DLG2: variants seen among roughly 807,000 people sequenced by gnomAD.
DLG2 encodes the protein disks large homolog 2.
In DLG2, 45 loss-of-function variants were observed where a neutral mutation model predicts 132.5. The ratio of observed to expected loss-of-function variants is 0.34; its 90% CI spans 0.27 to 0.44. DLG2 has a LOEUF of 0.44. Ranked by LOEUF, DLG2 falls within the 20% of genes least tolerant of loss-of-function variation. The pLI is 1.00. For missense variants in DLG2, 1,045 were observed against 1,196.9 expected (o/e 0.87, Z 1.87); for synonymous variants, 424 against 419.6 (o/e 1.01, Z -0.13).
intron 7 of DLG2, among the ~76,000 whole-genome samples, chr11:84,301,159 T>C (rs1328493514): frequency 2.6e-5 from 4 of 152,300 alleles, no homozygotes; most frequent in African/African-American, 7.2e-5. Flanking sequence ...TACTTCACTA[T>C]TGTTTATATT....
rs147519066 is a variant in DLG2, at chr11:85,216,037, A to T, written c.187-61386T>A. Among the ~76,000 whole-genome samples the T allele has an allele frequency of 5.6e-4, 85 of 150,598 alleles. No individual in the cohort carries two copies. In the East Asian group the frequency reaches 0.014, roughly 25 times the overall value. On this transcript the variant is annotated intron_variant, in intron 4 of 27. Transcript: ENST00000376104. ...TTAAAAAAAAAAAAAGGAAGCACAG[A>T]CTGGCACAATGATGTGCATTTGTAG...
At chr11:83,782,049 T>C (rs539838046) in intron 18 of DLG2, among the ~76,000 whole-genome samples, 1 of 152,316 alleles carries the variant, frequency 6.6e-6, no homozygotes, top group Admixed American at 6.5e-5. Flanking sequence ...AAACAACAGC[T>C]GTAGATTTTC....
intron 7 of DLG2, among the ~76,000 whole-genome samples, chr11:84,252,851 T>C (rs866440449): frequency 6.6e-6 from 1 of 152,226 alleles, no homozygotes; most frequent in Non-Finnish European, 1.5e-5. Flanking sequence ...CTATACGACA[T>C]GGTGGTTTTG....
At chr11:84,755,985 C>T (rs1165633160) in intron 6 of DLG2, among the ~76,000 whole-genome samples, 1 of 151,964 alleles carries the variant, frequency 6.6e-6, no homozygotes, top group East Asian at 1.9e-4. Flanking sequence ...CGTACTTCAT[C>T]AGTATATAAA....
At chr11:84,973,241 G>C (rs551022170) in intron 6 of DLG2, among the ~76,000 whole-genome samples, 26 of 152,244 alleles carry the variant, frequency 1.7e-4, no homozygotes, top group African/African-American at 5.5e-4. Context: ...TTACAGGTGT[G>C]AGCCACCACG....
At chr11:85,059,691 A>G (rs1459804307) in intron 6 of DLG2, among the ~76,000 whole-genome samples, 1 of 151,814 alleles carries the variant, frequency 6.6e-6, no homozygotes, top group African/African-American at 2.4e-5. Context: ...TTCTAGGCAT[A>G]TAAGTTTCAC....
At chr11:85,157,368 G>A (rs72961562) in intron 4 of DLG2, among the ~76,000 whole-genome samples, 7,915 of 152,066 alleles carry the variant, frequency 0.052, 299 homozygotes, top group African/African-American at 0.096. Flanking sequence ...AACATGATTC[G>A]ACCCAAAAAT....
chr11:83,753,729 A>T (rs1479479865), intron 18 of DLG2, among the ~76,000 whole-genome samples: 1 of 140,408 alleles, frequency 7.1e-6, no homozygotes, highest in Non-Finnish European at 1.5e-5. Context: ...TAGACACTAT[A>T]TATATGATAT....
intron 9 of DLG2, among the ~76,000 whole-genome samples, chr11:84,154,658 C>A (rs1343659555): frequency 6.6e-6 from 1 of 152,122 alleles, no homozygotes; most frequent in Non-Finnish European, 1.5e-5. Flanking sequence ...CTTCCCCCAC[C>A]CCACGACAGG....
intron 4 of DLG2, among the ~76,000 whole-genome samples, chr11:85,179,496 A>G (rs1405930975): frequency 6.6e-6 from 1 of 151,894 alleles, no homozygotes; most frequent in Non-Finnish European, 1.5e-5. Context: ...TATTTGAGAA[A>G]GATAAATATA....
chr11:83,639,866 G>A (rs1402910675), intron 18 of DLG2, among the ~76,000 whole-genome samples: 1 of 151,966 alleles, frequency 6.6e-6, no homozygotes, highest in Non-Finnish European at 1.5e-5. Context: ...TGGGGCCTTG[G>A]GAAGTTACTG....
intron 6 of DLG2, among the ~76,000 whole-genome samples, chr11:84,692,367 AT>A (rs1241046930): frequency 6.6e-6 from 1 of 151,754 alleles, no homozygotes; most frequent in African/African-American, 2.4e-5. Context: ...TTCTGGCAAC[AT>A]GTATCTGTCC....
chr11:85,010,922 T>C (rs1418271324), intron 6 of DLG2, among the ~76,000 whole-genome samples: 1 of 152,172 alleles, frequency 6.6e-6, no homozygotes, highest in Non-Finnish European at 1.5e-5. Context: ...AATTTTAGAA[T>C]TAGAAAACTT....
At chr11:85,269,266 T>C (rs1240952162) in intron 4 of DLG2, among the ~76,000 whole-genome samples, 2 of 152,376 alleles carry the variant, frequency 1.3e-5, no homozygotes, top group East Asian at 3.9e-4. Context: ...AGAAAGCATG[T>C]CTGGCTTGGA....
At chr11:83,833,411 C>A (rs1007456358) in intron 17 of DLG2, among the ~76,000 whole-genome samples, 25 of 152,096 alleles carry the variant, frequency 1.6e-4, no homozygotes, top group African/African-American at 5.6e-4. Flanking sequence ...GCACTCCAGC[C>A]TGGGCAACAG....
chr11:83,745,749 C>G (rs1229168794), intron 18 of DLG2, among the ~76,000 whole-genome samples: 1 of 151,944 alleles, frequency 6.6e-6, no homozygotes, highest in African/African-American at 2.4e-5. Flanking sequence ...TTGCAGTGAG[C>G]CAAGATCATG....
At chr11:85,622,035 A>G (rs751126978) in intron 2 of DLG2, among the ~76,000 whole-genome samples, 4 of 152,208 alleles carry the variant, frequency 2.6e-5, no homozygotes, top group Non-Finnish European at 4.4e-5. Flanking sequence ...CCCAACCTTC[A>G]GCAATCATCA....
At chr11:84,527,699 T>G (rs1449058460) in intron 7 of DLG2, among the ~76,000 whole-genome samples, 1 of 152,214 alleles carries the variant, frequency 6.6e-6, no homozygotes, top group Non-Finnish European at 1.5e-5. Context: ...CGGTTTTGAC[T>G]GCAAGACACA....
intron 3 of DLG2, among the ~76,000 whole-genome samples, chr11:85,579,421 G>A (rs564252644): frequency 7.3e-4 from 111 of 152,126 alleles, no homozygotes; most frequent in African/African-American, 2.6e-3. Context: ...AGAGACCTGA[G>A]GACTTAGCCT....
Sources: gnomAD v4.1 joint callset for allele counts (sites outside exome capture counted in the v4.1 genomes callset) on GRCh38, gnomAD v4.1.1 for gene constraint, MANE v1.5 for transcripts, NCBI Gene and HGNC (gene_info 2026-07-23, HGNC 2026-07-21) for gene names.